The following NEK1 variants were observed in gnomAD, a reference collection of about 807,000 sequenced individuals.
NEK1 encodes NIMA related kinase 1.
Under a neutral mutation model 182.1 loss-of-function variants are expected in NEK1, and 137 were observed. The observed-to-expected ratio is 0.75, with a 90% CI of 0.65 to 0.87. The LOEUF (loss-of-function observed/expected upper bound fraction) is 0.87. Among genes scored for constraint, NEK1 ranks in the 40% least tolerant of loss-of-function variants. NEK1 has a pLI of 0.00. For missense variants in NEK1, 1,391 were observed against 1,494.4 expected (o/e 0.93, Z 1.14); for synonymous variants, 513 against 492.2 (o/e 1.04, Z -0.56).
intron 35 of NEK1, among the ~76,000 whole-genome samples, chr4:169,396,899 A>C (rs1579261741): frequency 6.6e-6 from 1 of 152,252 alleles, no homozygotes; most frequent in Admixed American, 6.5e-5. Flanking sequence ...ACCATCTCCT[A>C]GATGTGGCCT....
intron 29 of NEK1, among the ~76,000 whole-genome samples, chr4:169,428,351 GATATATATATAT>G (rs60550267): frequency 1.1e-5 from 1 of 93,224 alleles, no homozygotes; most frequent in Non-Finnish European, 2.2e-5. Flanking sequence ...AAATATATGG[GATATATATATAT>G]ATATATATAA....
intron 14 of NEK1, 23 bp from the exon 15 acceptor site, chr4:169,561,760 C>T: frequency 6.3e-7 from 1 of 1,591,504 alleles, no homozygotes; most frequent in South Asian, 1.1e-5. Context: ...TAAAGACAAG[C>T]TTCTTACAAC....
chr4:169,463,594 T>C (rs1579883724), intron 26 of NEK1, among the ~76,000 whole-genome samples, 199 bp from the exon 27 acceptor site: 1 of 152,220 alleles, frequency 6.6e-6, no homozygotes, highest in African/African-American at 2.4e-5. Context: ...ATATCTACAA[T>C]TGCCTTGTAG....
intron 31 of NEK1, among the ~76,000 whole-genome samples, chr4:169,410,991 A>T (rs1457994347): frequency 6.6e-6 from 1 of 152,164 alleles, no homozygotes; most frequent in Non-Finnish European, 1.5e-5. Context: ...CCTGCCACAG[A>T]GTGTGTGCGT....
At chr4:169,415,170 A>T (rs1719303765) in intron 31 of NEK1, among the ~76,000 whole-genome samples, 1 of 152,244 alleles carries the variant, frequency 6.6e-6, no homozygotes, top group South Asian at 2.1e-4. Flanking sequence ...TCCTTATGTA[A>T]ACAAAAGCAT....
At position 169,402,034 on chromosome 4, in the gene NEK1, G is replaced by A. The variant is rs139974241; in HGVS notation, c.3375-174C>T. ...GAAAAAGCCTACATTGTTTTTCACC[G>A]GTAAATTGAGGATGAATACAACTGA... On this transcript the variant is annotated intron_variant, in intron 32 of 35. Coordinates refer to ENST00000507142, the MANE Select transcript of NEK1 (RefSeq NM_001199397.3). 4.8e-3 allele frequency among the ~76,000 whole-genome samples: 723 copies of A among 152,160 alleles called. 8 individuals carry two copies. The highest frequency in any genetic ancestry group is 0.014 in the African/African-American group (584 of 41,490).
chr4:169,413,832 C>A (rs183925442), intron 31 of NEK1, among the ~76,000 whole-genome samples: 6 of 152,288 alleles, frequency 3.9e-5, no homozygotes, highest in Admixed American at 2.0e-4. Context: ...GCCTGGGCTA[C>A]ACGGTGAAAC....
At chr4:169,469,252 A>AT (rs1428285585) in intron 26 of NEK1, among the ~76,000 whole-genome samples, 1 of 152,136 alleles carries the variant, frequency 6.6e-6, no homozygotes. Flanking sequence ...TCCTGTGGGC[A>AT]TTTAGTGCTA....
chr4:169,516,382 C>T (rs1471667327), intron 19 of NEK1, among the ~76,000 whole-genome samples: 10 of 126,988 alleles, frequency 7.9e-5, no homozygotes, highest in Non-Finnish European at 1.6e-4. Flanking sequence ...TGTTTGAGTT[C>T]ATTGTAGATT....
intron 19 of NEK1, among the ~76,000 whole-genome samples, chr4:169,531,164 G>A (rs1014254883): frequency 6.6e-6 from 1 of 152,122 alleles, no homozygotes; most frequent in South Asian, 2.1e-4. Flanking sequence ...ATGTGGTATC[G>A]TGGAAGAAGG....
chr4:169,590,817 G>GA lies in NEK1; in HGVS notation c.313-9dup. 8 of 1,560,072 alleles carry GA rather than the reference G, an allele frequency of 5.1e-6. No homozygotes were observed. Among genetic ancestry groups the GA allele is most frequent in the Non-Finnish European group, 7.0e-6 (8 of 1,143,696 alleles). ...TACAAACCAGTCCAAAATCTAGGAA[G>GA]AAAAATCAGATCTGTCAAGCCTCTC... On this transcript the variant is annotated splice_polypyrimidine_tract_variant and intron_variant, in intron 5 of 35. Transcript: ENST00000507142.
intron 18 of NEK1, chr4:169,554,361 G>A (rs1761851773): frequency 6.7e-6 from 1 of 148,746 alleles, no homozygotes; most frequent in Non-Finnish European, 1.5e-5. Flanking sequence ...AAGGCTGCAA[G>A]TGAGCCATGA....
chr4:169,579,673 C>G (rs1766281055), intron 11 of NEK1, among the ~76,000 whole-genome samples: 1 of 151,856 alleles, frequency 6.6e-6, no homozygotes, highest in Middle Eastern at 3.2e-3. Flanking sequence ...CCTGTATTCC[C>G]AGCTACTTGG....
intron 18 of NEK1, chr4:169,555,456 G>C (rs907197352): frequency 5.1e-6 from 2 of 394,272 alleles, no homozygotes; most frequent in African/African-American, 4.1e-5. Context: ...TATGTTGGCA[G>C]AATGTTATCA....
rs138008268 is a variant in NEK1 at position 169,509,126 on chromosome 4, CTTGT to C, written c.1666-278_1666-275del. 4.1e-3 allele frequency among the ~76,000 whole-genome samples: 616 copies of C among 152,064 alleles called. 5 individuals are homozygous for C. Among genetic ancestry groups the C allele is most frequent in the South Asian group, 0.031 (150 of 4,818 alleles). ...ACTTAAGAGGGGTTTTTTTTGTTTGCTTGTTTGTTTGTTTGTTTTAAATCACTGC... is the reference window on the plus strand; with the variant it reads ...ACTTAAGAGGGGTTTTTTTTGTTTGCTTGTTTGTTTGTTTTAAATCACTGC... On this transcript the variant is annotated intron_variant, in intron 19 of 35. Coordinates refer to ENST00000507142, the MANE Select transcript of NEK1 (RefSeq NM_001199397.3).
rs1770594108 is a variant in NEK1, at chr4:169,602,088, C to T, written c.134G>A (p.Arg45Lys). The T allele has an allele frequency of 6.2e-7, 1 of 1,612,154 alleles. No homozygotes were observed. Among genetic ancestry groups the T allele is most frequent in the Non-Finnish European group, 8.5e-7 (1 of 1,178,600 alleles). The stretch of plus-strand genomic sequence containing the variant: ...TGCAACTTCTCTCCTTGATTCTTCT[C>T]TTTCTTTACTGGACATCTTAAATGG... ...INISRMSSKE[R>K]EESRREVAVL... Residue 45 changes from arginine to lysine, a missense_variant, in exon 4 of 36, where the codon AGA becomes AAA. Arg to Lys is a conservative substitution (Grantham distance 26). This residue lies in a region of NEK1 where 3 missense variants were observed against 20.0 expected (regional missense o/e 0.15). Transcript: ENST00000507142.
chr4:169,488,175 A>ACCC (rs1328325286), intron 23 of NEK1, among the ~76,000 whole-genome samples: 5 of 151,998 alleles, frequency 3.3e-5, no homozygotes, highest in African/African-American at 1.2e-4. Context: ...CTCTTTAGTT[A>ACCC]ATTAGATCCC....
Position 169,463,307 on chromosome 4 carries a change from C to T in NEK1, c.2523G>A (p.Lys841=). 1 of 1,609,024 alleles carries T rather than the reference C, an allele frequency of 6.2e-7. No homozygotes were observed. The highest frequency in any genetic ancestry group is 8.5e-7 in the Non-Finnish European group (1 of 1,177,132). ...GTTGTAGTTCAGCTTCTCCAAGTAT[C>T]TTTAGAACAGAATCTGTCGGACTTT... The part of the protein sequence containing the change: ...WGKSPTDSVL[K]ILGEAELQLQ... The change falls in exon 27 of 36, where the codon AAG becomes AAA. Residue 841 remains lysine, a synonymous_variant. Coordinates refer to ENST00000507142, the MANE Select transcript of NEK1 (RefSeq NM_001199397.3).
chr4:169,497,291 C>G (rs993022531), intron 23 of NEK1, among the ~76,000 whole-genome samples: 1 of 152,012 alleles, frequency 6.6e-6, no homozygotes, highest in African/African-American at 2.4e-5. Flanking sequence ...TGATTCTTCT[C>G]TCTTTTCTTC....
Sources: gnomAD v4.1 joint callset for allele counts (sites outside exome capture counted in the v4.1 genomes callset) on GRCh38, gnomAD v4.1.1 for gene constraint, gnomAD v4.1.1 regional missense constraint, MANE v1.5 for transcripts, NCBI Gene and HGNC (gene_info 2026-07-23, HGNC 2026-07-21) for gene names.